Variants in LRRC39 observed in about 807,000 individuals in gnomAD.
LRRC39 encodes the protein leucine rich repeat containing 39.
Under a neutral mutation model 39.7 loss-of-function variants are expected in LRRC39, and 35 were observed. The ratio of observed to expected loss-of-function variants is 0.88; its 90% CI spans 0.67 to 1.17. The LOEUF is 1.17. LRRC39 is among the 50% of genes most tolerant of loss of function. The pLI, the probability that LRRC39 is intolerant of heterozygous loss-of-function variation, is 0.00. For synonymous variants in LRRC39, 113 were observed against 134.1 expected (o/e 0.84, Z 1.09); for missense variants, 357 against 385.8 (o/e 0.93, Z 0.62).
chr1:100,152,675 A>G (rs1179015562), intron 8 of LRRC39, 151 bp from the exon 9 acceptor site: 1 of 759,708 alleles, frequency 1.3e-6, no homozygotes, highest in Non-Finnish European at 2.1e-6. Context: ...ATATATCTCA[A>G]GAATCTTATG....
chr1:100,178,664 T>C (rs1451140972), upstream of LRRC39, among the ~76,000 whole-genome samples: 1 of 152,242 alleles, frequency 6.6e-6, no homozygotes, highest in Non-Finnish European at 1.5e-5. Context: ...ACTTCTGCTG[T>C]ACCTGGGCTT....
chr1:100,171,237 T>C (rs1200837553), intron 2 of LRRC39, among the ~76,000 whole-genome samples: 1 of 152,044 alleles, frequency 6.6e-6, no homozygotes, highest in East Asian at 1.9e-4. Context: ...ACACAATGAA[T>C]AAACTTACTT....
chr1:100,150,208 G>T (rs1200310629), intron 9 of LRRC39: 9 of 152,096 alleles, frequency 5.9e-5, no homozygotes, highest in African/African-American at 2.2e-4. Flanking sequence ...ATATTAACTA[G>T]TAATAGTAGT....
chr1:100,149,077 T>A lies in LRRC39; in HGVS notation c.973A>T (p.Thr325Ser). ...GTATTTATGGAGATTGGTAAAGTAGTTGAACCGTTGACTTGGTGATCTGAA... is the reference window on the plus strand; with the variant it reads ...GTATTTATGGAGATTGGTAAAGTAGATGAACCGTTGACTTGGTGATCTGAA... ...RRADHQVNGS[T>S]TLPISINTDG Residue 325 changes from threonine (T) to serine (S), a missense_variant, in exon 10 of 10, where the codon ACT becomes TCT. Coordinates refer to ENST00000370137, the MANE Select transcript of LRRC39 (RefSeq NM_144620.4). 1 of 1,602,638 alleles carries A rather than the reference T, an allele frequency of 6.2e-7. No individual in the cohort carries two copies.
chr1:100,179,014 GC>G (rs1660126539), upstream of LRRC39, among the ~76,000 whole-genome samples: 1 of 152,136 alleles, frequency 6.6e-6, no homozygotes, highest in African/African-American at 2.4e-5. Flanking sequence ...AAAAATGGTA[GC>G]ATACTATATA....
chr1:100,161,900 G>A (rs1257903173), intron 3 of LRRC39, among the ~76,000 whole-genome samples: 1 of 152,148 alleles, frequency 6.6e-6, no homozygotes, highest in African/African-American at 2.4e-5. Flanking sequence ...GCCTGCCTTG[G>A]CCACCCAAAG....
intron 9 of LRRC39, among the ~76,000 whole-genome samples, chr1:100,150,918 A>T (rs1005980059): frequency 6.6e-6 from 1 of 152,132 alleles, no homozygotes; most frequent in Admixed American, 6.5e-5. Context: ...ACCTGAGGTC[A>T]GGAGTTCGAG....
rs1287764178 is a variant in LRRC39, at chr1:100,148,906, A to G, written c.*136T>C. On this transcript the variant is annotated 3_prime_UTR_variant, in exon 10 of 10. Transcript: ENST00000370137. ...TATATCAAAAAAATATATACTTTAA[A>G]TAGCAAATAATATGAACTTTAAAAA... The G allele has an allele frequency of 5.1e-5, 57 of 1,109,004 alleles. No homozygotes were observed. The highest frequency in any genetic ancestry group is 6.5e-5 in the Non-Finnish European group (55 of 840,160). The allele number at this position is 1,109,004 out of a possible 1,614,324, so 68.7% of individuals were successfully genotyped here. A position where few individuals can be genotyped will look rare whatever the true frequency, so the allele number is the denominator to read the frequency against.
rs1364370269 is a variant in LRRC39, at chr1:100,155,198, T to C, written c.665A>G (p.Gln222Arg). The change falls in exon 8 of 10, where the codon CAA (glutamine) becomes CGA (arginine). Residue 222 changes from glutamine (Q) to arginine (R), a missense_variant. Physicochemically the swap from Gln to Arg is conservative, Grantham distance 43. Coordinates refer to ENST00000370137, the MANE Select transcript of LRRC39 (RefSeq NM_144620.4). ...EQLPDTIERM[Q>R]NLHTLWLQRN... ...TTGCAGCCATAACGTATGTAGATTTTGCATTCTGAAAAATTAAGGTTTCTA... is the reference window on the plus strand; with the variant it reads ...TTGCAGCCATAACGTATGTAGATTTCGCATTCTGAAAAATTAAGGTTTCTA... 3 of 1,578,482 alleles carry C rather than the reference T, an allele frequency of 1.9e-6. No individual in the cohort carries two copies. The highest frequency in any genetic ancestry group is 2.6e-6 in the Non-Finnish European group (3 of 1,169,744).
In LRRC39 at chr1:100,155,112, C is replaced by T. The variant is rs1658364094; in HGVS notation, c.751G>A (p.Val251Ile). 2.5e-6 allele frequency: 4 copies of T among 1,611,450 alleles called. No individual in the cohort carries two copies. The South Asian group carries it at 4.4e-5, about 18-fold the overall frequency. ...ISNMKNLGTL[V>I]LSNNKLQDIP... is the part of the protein sequence containing the mutation. ...TCTTGCAGTTTATTGTTGCTGAGAA[C>T]AAGAGTACCCAGATTTTTCATATTG... Residue 251 changes from valine (V) to isoleucine (I), a missense_variant, in exon 8 of 10, where the codon GTT becomes ATT. Transcript: ENST00000370137.
At position 100,158,460 on chromosome 1, in the gene LRRC39, C is replaced by CG; in HGVS notation, c.377-94dup. On this transcript the variant is annotated intron_variant, in intron 5 of 9. Transcript: ENST00000370137. The stretch of plus-strand genomic sequence containing the variant: ...ACAGCATAACTTTTTTTTTTTGAGA[C>CG]GGAGTCTTGCTCTGTCGCCCAGGCT... The CG allele has an allele frequency of 2.6e-6, 3 of 1,153,166 alleles. No homozygotes were observed. In the South Asian group the frequency reaches 4.8e-5, roughly 18 times the overall value. 71.4% of individuals were successfully genotyped at this position (1,153,166 alleles called of 1,614,324 possible).
chr1:100,155,133 T>C lies in LRRC39; in HGVS notation c.730A>G (p.Met244Val). 6.2e-7 allele frequency: 1 copy of C among 1,611,088 alleles called. No homozygotes were observed. The highest frequency in any genetic ancestry group is 8.5e-7 in the Non-Finnish European group (1 of 1,178,790). Residue 244 changes from methionine to valine, a missense_variant, in exon 8 of 10, where the codon ATG (methionine) becomes GTG (valine). By Grantham distance (21) the Met-to-Val change is conservative. Transcript: ENST00000370137. ...ITCLPQTISNMKNLGTLVLSN... is the reference protein window; with the variant it reads ...ITCLPQTISNVKNLGTLVLSN... ...AGAACAAGAGTACCCAGATTTTTCA[T>C]ATTGCTGATTGTTTGAGGCAAGCAT...
At chr1:100,178,650 C>T (rs1320819353), upstream of LRRC39, among the ~76,000 whole-genome samples, 2 of 152,134 alleles carry the variant, frequency 1.3e-5, no homozygotes, top group African/African-American at 4.8e-5. Flanking sequence ...CACAGAAGCC[C>T]CAAACTTCTG....
chr1:100,173,417 A>G (rs751340579), intron 1 of LRRC39, 47 bp from the exon 2 acceptor site: 36 of 152,208 alleles, frequency 2.4e-4, no homozygotes, highest in Admixed American at 4.6e-4. Flanking sequence ...GTAGAAAATT[A>G]TTAAAATTTA....
At chr1:100,162,509 C>T (rs12042049) in intron 3 of LRRC39, among the ~76,000 whole-genome samples, 8,236 of 151,958 alleles carry the variant, frequency 0.054, 232 homozygotes, top group African/African-American at 0.086. Context: ...TGTGGTGATG[C>T]GTGCCTGGAG....
At chr1:100,170,166 T>C (rs1243092297) in intron 2 of LRRC39, among the ~76,000 whole-genome samples, 1 of 152,104 alleles carries the variant, frequency 6.6e-6, no homozygotes, top group African/African-American at 2.4e-5. Context: ...TGAAAACATA[T>C]GTTCTCACAA....
chr1:100,152,598 A>C (rs1327769825), intron 8 of LRRC39, 74 bp from the exon 9 acceptor site: 25 of 1,483,918 alleles, frequency 1.7e-5, no homozygotes, highest in Non-Finnish European at 2.2e-5. Context: ...GAGAAAGGTC[A>C]AATGATAATA....
intron 9 of LRRC39, chr1:100,150,114 A>G (rs369741013): frequency 2.0e-4 from 30 of 152,446 alleles, no homozygotes; most frequent in African/African-American, 7.0e-4. Flanking sequence ...AATAATACCT[A>G]CCTCACAAGG....
rs10593200 is a variant in LRRC39, at chr1:100,159,606, C to CTTTTTTTTTTT, written c.220-202_220-192dup. On this transcript the variant is annotated intron_variant, in intron 4 of 9. Coordinates refer to ENST00000370137, the MANE Select transcript of LRRC39 (RefSeq NM_144620.4). ...GATCTTTCCTTTTTTTTTTCTTTTCCTTTTTTTTTTTTTTTTTTTTTGGCT... is the reference window on the plus strand; with the variant it reads ...GATCTTTCCTTTTTTTTTTCTTTTCCTTTTTTTTTTTTTTTTTTTTTTTTTTTTTTTTGGCT... Among the ~76,000 whole-genome samples, 11 of 41,274 alleles carry CTTTTTTTTTTT rather than the reference C, an allele frequency of 2.7e-4. 2 individuals are homozygous for CTTTTTTTTTTT. Among genetic ancestry groups the CTTTTTTTTTTT allele is most frequent in the Non-Finnish European group, 4.4e-4 (10 of 22,596 alleles). The allele number at this position is 41,274 out of a possible 152,430, so 27.1% of individuals were successfully genotyped here.
Sources: gnomAD v4.1 joint callset for allele counts (sites outside exome capture counted in the v4.1 genomes callset) on GRCh38, gnomAD v4.1.1 for gene constraint, MANE v1.5 for transcripts, NCBI Gene and HGNC (gene_info 2026-07-23, HGNC 2026-07-21) for gene names.